The following HMCN1 variants were observed in gnomAD, a reference collection of about 807,000 sequenced individuals.
HMCN1 encodes hemicentin 1.
HMCN1 carries 321 observed loss-of-function variants against 625.9 expected under a neutral mutation model. The observed-to-expected ratio is 0.51, with a 90% confidence interval of 0.47 to 0.56. The LOEUF is 0.56. HMCN1 is among the 20% of genes least tolerant of loss of function. The pLI, the probability that HMCN1 is intolerant of heterozygous loss-of-function variation, is 0.00. For synonymous variants in HMCN1, 2,425 were observed against 2,417.6 expected, an observed-to-expected ratio of 1.00 and a Z score of -0.09; for missense variants, 6,588 against 6,887.3, an observed-to-expected ratio of 0.96 and a Z score of 1.54.
intron 89 of HMCN1, among the ~76,000 whole-genome samples, chr1:186,143,401 A>G (rs1298625288): frequency 1.3e-5 from 2 of 152,208 alleles, no homozygotes; most frequent in Non-Finnish European, 2.9e-5. Flanking sequence ...ATTCACGTGT[A>G]TATAAGGAAA....
intron 1 of HMCN1, among the ~76,000 whole-genome samples, chr1:185,774,621 A>AGCATATATGTGTAATCCCCC (rs1281276434): frequency 7.9e-5 from 12 of 152,196 alleles, no homozygotes; most frequent in Non-Finnish European, 1.5e-4. Flanking sequence ...GGATCAAATT[A>AGCATATATGTGTAATCCCCC]GCATATATGT....
At chr1:186,117,148 G>T in intron 76 of HMCN1, 33 bp downstream of exon 76, 1 of 1,611,020 alleles carries the variant, frequency 6.2e-7, no homozygotes, top group South Asian at 1.1e-5. Flanking sequence ...ATTGAAACAT[G>T]ATAATGCTAT....
chr1:186,029,224 A>G (rs547652858), intron 36 of HMCN1, among the ~76,000 whole-genome samples: 1 of 151,880 alleles, frequency 6.6e-6, no homozygotes, highest in South Asian at 2.1e-4. Flanking sequence ...TTTTTTTTCA[A>G]CCTTCTGAGG....
chr1:186,162,528 C>G (rs888394534), intron 97 of HMCN1, among the ~76,000 whole-genome samples: 1 of 152,044 alleles, frequency 6.6e-6, no homozygotes, highest in Non-Finnish European at 1.5e-5. Context: ...TCTGTTTTTT[C>G]CCCATCTTTG....
At chr1:185,994,791 T>C in intron 23 of HMCN1, 24 bp from the exon 24 acceptor site, 1 of 1,608,456 alleles carries the variant, frequency 6.2e-7, no homozygotes, top group East Asian at 2.2e-5. Context: ...AGTTGGATTA[T>C]TAATACCCAG....
chr1:186,015,785 G>A (rs1174084677), intron 31 of HMCN1, among the ~76,000 whole-genome samples, 173 bp from the exon 32 acceptor site: 2 of 152,070 alleles, frequency 1.3e-5, no homozygotes, highest in Admixed American at 1.3e-4. Context: ...GACAGTTACA[G>A]TTTAGCTGAA....
intron 4 of HMCN1, among the ~76,000 whole-genome samples, chr1:185,881,988 G>T (rs1664337836): frequency 6.6e-6 from 1 of 152,106 alleles, no homozygotes; most frequent in Admixed American, 6.5e-5. Flanking sequence ...TTGAAGTTCT[G>T]AATTTCATAA....
At chr1:185,980,721 T>C (rs1245358434) in intron 16 of HMCN1, among the ~76,000 whole-genome samples, 1 of 152,204 alleles carries the variant, frequency 6.6e-6, no homozygotes, top group Non-Finnish European at 1.5e-5. Flanking sequence ...TTCTACTCAC[T>C]CAGATATTAC....
At chr1:185,797,962 T>G in intron 1 of HMCN1, among the ~76,000 whole-genome samples, 1 of 64,664 alleles carries the variant, frequency 1.5e-5, no homozygotes, top group Non-Finnish European at 3.0e-5. Flanking sequence ...CGAGACTCCG[T>G]CTCAAAAAAA....
intron 4 of HMCN1, among the ~76,000 whole-genome samples, chr1:185,869,626 A>G (rs1229119085): frequency 6.6e-6 from 1 of 152,178 alleles, no homozygotes. Flanking sequence ...TGTACAAGTC[A>G]ATATATTCCT....
chr1:185,892,839 C>G (rs895095790), intron 4 of HMCN1, among the ~76,000 whole-genome samples: 2 of 152,196 alleles, frequency 1.3e-5, no homozygotes, highest in Admixed American at 1.3e-4. Context: ...TGGGCTCCAC[C>G]CAGTTCGAGC....
At chr1:185,829,341 T>C (rs1558000559) in intron 1 of HMCN1, among the ~76,000 whole-genome samples, 1 of 151,928 alleles carries the variant, frequency 6.6e-6, no homozygotes, top group African/African-American at 2.4e-5. Flanking sequence ...GTTTGTTATA[T>C]GGTATACATG....
chr1:186,035,602 AG>A (rs1411680788), intron 36 of HMCN1, among the ~76,000 whole-genome samples: 1 of 152,078 alleles, frequency 6.6e-6, no homozygotes, highest in Admixed American at 6.6e-5. Context: ...GACATTCTAT[AG>A]GTTTTAATAT....
intron 10 of HMCN1, among the ~76,000 whole-genome samples, chr1:185,930,181 A>G (rs1222731901): frequency 6.6e-6 from 1 of 152,194 alleles, no homozygotes; most frequent in African/African-American, 2.4e-5. Context: ...AGGAAATTGT[A>G]CTGTGCCCAA....
intron 86 of HMCN1, among the ~76,000 whole-genome samples, chr1:186,135,675 C>T (rs1428158623): frequency 6.6e-6 from 1 of 152,146 alleles, no homozygotes; most frequent in Non-Finnish European, 1.5e-5. Context: ...AAATCAAAAC[C>T]CTGCAGTCAT....
At chr1:186,160,848 G>A (rs1044291036) in intron 97 of HMCN1, among the ~76,000 whole-genome samples, 2 of 150,640 alleles carry the variant, frequency 1.3e-5, no homozygotes, top group East Asian at 1.9e-4. Flanking sequence ...CAAGTATGTG[G>A]TCAATTTTGG....
intron 1 of HMCN1, among the ~76,000 whole-genome samples, chr1:185,817,345 G>C (rs994624814): frequency 1.3e-5 from 2 of 152,184 alleles, no homozygotes; most frequent in Non-Finnish European, 2.9e-5. Context: ...GCAGTGGAAA[G>C]GGGTGCCTCC....
intron 11 of HMCN1, among the ~76,000 whole-genome samples, chr1:185,956,493 A>G (rs1649641511): frequency 1.3e-5 from 2 of 152,210 alleles, no homozygotes; most frequent in Non-Finnish European, 2.9e-5. Flanking sequence ...TACAAAGAAT[A>G]CAGATGAACA....
In HMCN1 at chr1:186,108,364, A is replaced by C. The variant is rs113108330; in HGVS notation, c.10853-97A>C. On this transcript the variant is annotated intron_variant, in intron 70 of 106. Coordinates refer to ENST00000271588, the MANE Select transcript of HMCN1 (RefSeq NM_031935.3). Reference sequence around the variant, plus strand: ...TATAAATTAAATGAGTAATGTTTTAATTTTATGCCTCTTATTATTTCATAT... The same window carrying C: ...TATAAATTAAATGAGTAATGTTTTACTTTTATGCCTCTTATTATTTCATAT... 8.5e-5 allele frequency: 134 copies of C among 1,570,234 alleles called. 1 individual carries two copies. In the Admixed American group the frequency reaches 2.2e-3, roughly 25 times the overall value.
Sources: gnomAD v4.1 joint callset for allele counts (sites outside exome capture counted in the v4.1 genomes callset) on GRCh38, gnomAD v4.1.1 for gene constraint, MANE v1.5 for transcripts, NCBI Gene and HGNC (gene_info 2026-07-23, HGNC 2026-07-21) for gene names.